SLC14A2: variants seen among roughly 807,000 people sequenced by gnomAD.
SLC14A2 encodes the protein solute carrier family 14 member 2, also known as urea transporter 2.
In SLC14A2, 91 loss-of-function variants were observed where a neutral mutation model predicts 104.6. The observed-to-expected ratio is 0.87, with a 90% CI of 0.73 to 1.04. The LOEUF (loss-of-function observed/expected upper bound fraction) is 1.04, where lower values mean the gene tolerates loss of function less well. Ranked by LOEUF, SLC14A2 falls within the 50% of genes least tolerant of loss-of-function variation. SLC14A2 has a pLI of 0.00. For missense variants in SLC14A2, 1,189 were observed against 1,156.0 expected (o/e 1.03, Z -0.41); for synonymous variants, 476 against 466.4 (o/e 1.02, Z -0.27).
At position 45,482,296 on chromosome 18, in the gene SLC14A2, C is replaced by A. The variant is rs139387610; in HGVS notation, c.-124-937C>A. On this transcript the variant is annotated intron_variant, in intron 1 of 20. Transcript: ENST00000586448. ...GTAAATTATGGTACAGACATATTAA[C>A]ATATGAAGCAGCTATTAAAAATTAT... is the stretch of plus-strand genomic sequence containing the variant. 3.1e-4 allele frequency among the ~76,000 whole-genome samples: 47 copies of A among 152,270 alleles called. No homozygotes were observed. In the East Asian group the frequency reaches 8.7e-3, roughly 28 times the overall value.
At chr18:45,538,152 G>A (rs1000170646) in intron 2 of SLC14A2, among the ~76,000 whole-genome samples, 1 of 152,154 alleles carries the variant, frequency 6.6e-6, no homozygotes, top group Non-Finnish European at 1.5e-5. Context: ...TCTCAGAGCT[G>A]AGAATCAGAT....
intron 1 of SLC14A2, among the ~76,000 whole-genome samples, chr18:45,234,402 C>G (rs2084205079): frequency 6.6e-6 from 1 of 152,202 alleles, no homozygotes; most frequent in South Asian, 2.1e-4. Context: ...TCTTTACTTA[C>G]ACAAGCATTC....
In SLC14A2 at chr18:45,504,918, G is replaced by A. The variant is rs192016754; in HGVS notation, c.-35+21596G>A. Among the ~76,000 whole-genome samples the A allele has an allele frequency of 8.9e-3, 1,350 of 152,264 alleles. 13 individuals carry two copies. Among genetic ancestry groups the A allele is most frequent in the Non-Finnish European group, 0.013 (860 of 68,008 alleles). ...GGAGAAGAAGGAGATTCATTTATCA[G>A]AATAAGGCACCCTTTCAAATACACA... is the stretch of plus-strand genomic sequence containing the variant. On this transcript the variant is annotated intron_variant, in intron 2 of 20. Coordinates refer to the SLC14A2 transcript ENST00000586448.
In SLC14A2 at chr18:45,366,873, C is replaced by T. The variant is rs557055443; in HGVS notation, c.-124-116360C>T. Among the ~76,000 whole-genome samples the T allele has an allele frequency of 9.2e-5, 14 of 152,216 alleles. No individual in the cohort carries two copies. The South Asian group carries it at 2.3e-3, about 25-fold the overall frequency. On this transcript the variant is annotated intron_variant, in intron 1 of 20. Transcript: ENST00000586448. The stretch of plus-strand genomic sequence containing the variant: ...CCTTCAGAATGGAACAGAGTGTATG[C>T]GTAAAGGTAGGATATCAGGCCAAGT...
intron 1 of SLC14A2, among the ~76,000 whole-genome samples, chr18:45,296,961 C>A (rs189049618): frequency 7.6e-4 from 115 of 152,192 alleles, no homozygotes; most frequent in African/African-American, 2.6e-3. Context: ...TATTTTGATA[C>A]TGAATCAAGA....
chr18:45,286,348 C>T (rs1373237581), intron 1 of SLC14A2, among the ~76,000 whole-genome samples: 1 of 152,194 alleles, frequency 6.6e-6, no homozygotes, highest in Non-Finnish European at 1.5e-5. Flanking sequence ...CTTCAGCATC[C>T]TCACTCAGTG....
At chr18:45,181,773 TATAAA>T in the SLC14A2 span, among the ~76,000 whole-genome samples, 6 of 151,338 alleles carry the variant, frequency 4.0e-5, no homozygotes, top group African/African-American at 1.5e-4. Flanking sequence ...TCATAAGAAA[TATAAA>T]AAGAAATTTA....
intron 1 of SLC14A2, among the ~76,000 whole-genome samples, chr18:45,378,763 CTGT>C (rs570730451): frequency 9.3e-4 from 141 of 152,060 alleles, no homozygotes; most frequent in African/African-American, 2.8e-3. Context: ...CTGATCATTG[CTGT>C]TGTTGTTGTT....
intron 10 of SLC14A2, among the ~76,000 whole-genome samples, chr18:45,661,808 C>G (rs746932420): frequency 1.3e-5 from 2 of 152,198 alleles, no homozygotes; most frequent in Non-Finnish European, 2.9e-5. Flanking sequence ...CCCTCATCAT[C>G]CTGCATGAAC....
intron 1 of SLC14A2, among the ~76,000 whole-genome samples, chr18:45,293,112 G>A (rs1204453077): frequency 6.6e-6 from 1 of 152,108 alleles, no homozygotes; most frequent in Non-Finnish European, 1.5e-5. Context: ...CTTCCAAAAG[G>A]AGAACTCTAA....
intron 1 of SLC14A2, among the ~76,000 whole-genome samples, chr18:45,237,867 T>C (rs2084271882): frequency 6.6e-6 from 1 of 152,172 alleles, no homozygotes. Context: ...AGACTTCCAT[T>C]GTGGTTGGTA....
intron 1 of SLC14A2, among the ~76,000 whole-genome samples, chr18:45,346,883 A>G (rs1384926934): frequency 3.3e-5 from 5 of 150,316 alleles, no homozygotes; most frequent in Non-Finnish European, 7.4e-5. Context: ...AGTCACTTGA[A>G]TCCGAGAGGC....
At position 45,666,926 on chromosome 18, in the gene SLC14A2, C is replaced by T. The variant is rs749269123; in HGVS notation, c.1558-9C>T. On this transcript the variant is annotated splice_polypyrimidine_tract_variant and intron_variant, in intron 12 of 19. Coordinates refer to ENST00000255226, the MANE Select transcript of SLC14A2 (RefSeq NM_007163.4). ...GTGGGAGACTCTTGCCTATCTCTGT[C>T]CTGGACAGGATCTGGACACCATGGA... 2 of 1,613,064 alleles carry T rather than the reference C, an allele frequency of 1.2e-6. No individual in the cohort carries two copies. Among genetic ancestry groups the T allele is most frequent in the Admixed American group, 3.3e-5 (2 of 59,988 alleles).
the SLC14A2 span, among the ~76,000 whole-genome samples, chr18:45,207,528 G>T: frequency 1.3e-5 from 2 of 152,100 alleles, no homozygotes; most frequent in African/African-American, 4.8e-5. Context: ...TGGGTGTGTG[G>T]CATGTGAGCA....
At chr18:45,364,096 C>T (rs2085642746) in intron 1 of SLC14A2, among the ~76,000 whole-genome samples, 1 of 152,198 alleles carries the variant, frequency 6.6e-6, no homozygotes, top group Non-Finnish European at 1.5e-5. Context: ...CCTCCCATCC[C>T]TCAACTCTTC....
intron 1 of SLC14A2, among the ~76,000 whole-genome samples, chr18:45,350,821 A>T (rs2085496121): frequency 6.6e-6 from 1 of 152,154 alleles, no homozygotes; most frequent in Admixed American, 6.5e-5. Context: ...GAAGCACCAT[A>T]ATAAAGAAGA....
intron 1 of SLC14A2, among the ~76,000 whole-genome samples, chr18:45,326,264 A>G (rs891839317): frequency 3.3e-5 from 5 of 152,190 alleles, no homozygotes; most frequent in Non-Finnish European, 5.9e-5. Flanking sequence ...CTCCACCTGA[A>G]TGCAAGTTTT....
At chr18:45,604,333 A>G (rs577498829) in intron 2 of SLC14A2, among the ~76,000 whole-genome samples, 1 of 152,350 alleles carries the variant, frequency 6.6e-6, no homozygotes, top group African/African-American at 2.4e-5. Context: ...ATAGCCTCCT[A>G]TCAGCAGCAT....
At chr18:45,467,969 G>C (rs1388471362) in intron 1 of SLC14A2, among the ~76,000 whole-genome samples, 1 of 152,126 alleles carries the variant, frequency 6.6e-6, no homozygotes, top group Admixed American at 6.5e-5. Flanking sequence ...CACCAGAACT[G>C]CATCAGCACA....
Sources: allele counts gnomAD v4.1 joint callset (sites outside exome capture counted in the v4.1 genomes callset), GRCh38; gene constraint gnomAD v4.1.1; transcripts MANE v1.5; gene names NCBI Gene and HGNC (gene_info 2026-07-23, HGNC 2026-07-21).